CACNA1D: variants seen among roughly 807,000 people sequenced by gnomAD.
CACNA1D encodes voltage-dependent L-type calcium channel subunit alpha-1D.
CACNA1D carries 55 observed loss-of-function variants against 257.1 expected under a neutral mutation model. The ratio of observed to expected loss-of-function variants is 0.21; its 90% CI spans 0.17 to 0.27. CACNA1D has a LOEUF of 0.27. Ranked by LOEUF, CACNA1D falls within the 10% of genes least tolerant of loss-of-function variation. The pLI is 1.00. For synonymous variants in CACNA1D, 980 were observed against 1,014.9 expected, an observed-to-expected ratio of 0.97 and a Z score of 0.65; for missense variants, 1,876 against 2,784.0, an observed-to-expected ratio of 0.67 and a Z score of 7.34.
chr3:53,800,182 C>G lies in CACNA1D; in HGVS notation c.4924-67C>G. ...ACCGCTGAATCAGGAAGGAGCAAAGCCAGGACCCAGGCTGGCCCCAGGGCC... is the reference window on the plus strand; with the variant it reads ...ACCGCTGAATCAGGAAGGAGCAAAGGCAGGACCCAGGCTGGCCCCAGGGCC... On this transcript the variant is annotated intron_variant, in intron 40 of 47. Transcript: ENST00000350061. The surrounding 1 kb of genome is among the most constrained non-coding windows in gnomAD (Gnocchi z 4.3). 2 of 1,148,942 alleles carry G rather than the reference C, an allele frequency of 1.7e-6. No individual in the cohort carries two copies. Among genetic ancestry groups the G allele is most frequent in the Non-Finnish European group, 2.6e-6 (2 of 755,292 alleles). 71.2% of individuals were successfully genotyped at this position (1,148,942 alleles called of 1,614,324 possible).
chr3:53,611,464 A>AT (rs1295941895), intron 3 of CACNA1D, among the ~76,000 whole-genome samples: 3 of 151,906 alleles, frequency 2.0e-5, no homozygotes, highest in African/African-American at 4.8e-5. Flanking sequence ...TGATTTCAAG[A>AT]TTTTTTCTTG....
chr3:53,642,787 T>C (rs1210075217), intron 3 of CACNA1D, among the ~76,000 whole-genome samples: 1 of 152,344 alleles, frequency 6.6e-6, no homozygotes, highest in East Asian at 1.9e-4. Flanking sequence ...ACCTGGGTGA[T>C]TGTGGGGTCA....
chr3:53,497,018 CAT>C, intron 1 of CACNA1D, 132 bp from the exon 2 acceptor site: 1 of 741,110 alleles, frequency 1.3e-6, no homozygotes, highest in South Asian at 1.8e-5. Flanking sequence ...AAAAATAGCA[CAT>C]GAGATTCAAA....
Position 53,731,239 on chromosome 3 carries a change from G to A in CACNA1D, c.2406+93G>A. 15 of 848,994 alleles carry A rather than the reference G, an allele frequency of 1.8e-5. No homozygotes were observed. In the South Asian group the frequency reaches 2.1e-4, roughly 12 times the overall value. 52.6% of individuals were successfully genotyped at this position (848,994 alleles called of 1,614,324 possible). ...CATTTACACTGTGGAAGTGTCTTGT[G>A]TATCATTCTTGTAATATTTTGGTGT... is the stretch of plus-strand genomic sequence containing the variant. On this transcript the variant is annotated intron_variant, in intron 17 of 47. Transcript: ENST00000350061.
At chr3:53,786,444 C>A in intron 39 of CACNA1D, 1 of 267,944 alleles carries the variant, frequency 3.7e-6, no homozygotes, top group Non-Finnish European at 7.3e-6. Context: ...ATGCAAATCC[C>A]TATGCACAGG....
intron 3 of CACNA1D, among the ~76,000 whole-genome samples, chr3:53,540,315 A>T (rs575926408): frequency 6.6e-6 from 1 of 150,730 alleles, no homozygotes; most frequent in African/African-American, 2.4e-5. Flanking sequence ...TGGTAGAGAC[A>T]GGGTTTCACC....
At chr3:53,720,464 G>A (rs1018939473) in intron 11 of CACNA1D, among the ~76,000 whole-genome samples, 2 of 152,116 alleles carry the variant, frequency 1.3e-5, no homozygotes, top group African/African-American at 4.8e-5. Context: ...AAAAGAAAAA[G>A]GTTAGCTTCA....
intron 3 of CACNA1D, among the ~76,000 whole-genome samples, chr3:53,507,655 C>G (rs1286194322): frequency 6.6e-6 from 1 of 152,088 alleles, no homozygotes; most frequent in Non-Finnish European, 1.5e-5. Context: ...AGGTTTTTTA[C>G]TATTAAAATT....
At chr3:53,682,556 TAAAA>T (rs56756710) in intron 8 of CACNA1D, among the ~76,000 whole-genome samples, 2 of 144,108 alleles carry the variant, frequency 1.4e-5, no homozygotes, top group Non-Finnish European at 3.0e-5. Flanking sequence ...GACCCTGTCT[TAAAA>T]AAAAAAAAGA....
At chr3:53,562,450 T>A (rs2092756622) in intron 3 of CACNA1D, among the ~76,000 whole-genome samples, 2 of 152,258 alleles carry the variant, frequency 1.3e-5, no homozygotes, top group Admixed American at 1.3e-4. Flanking sequence ...ATTAATCCAT[T>A]TGGTAAAATG....
chr3:53,713,807 G>A (rs938720583), intron 9 of CACNA1D, among the ~76,000 whole-genome samples: 1 of 152,144 alleles, frequency 6.6e-6, no homozygotes, highest in Non-Finnish European at 1.5e-5. Flanking sequence ...TGCCCATGCT[G>A]CAAAGGCCTT....
intron 3 of CACNA1D, among the ~76,000 whole-genome samples, chr3:53,603,599 CTCT>C (rs1170285200): frequency 6.6e-6 from 1 of 152,160 alleles, no homozygotes; most frequent in Non-Finnish European, 1.5e-5. Context: ...CCACTCAGTA[CTCT>C]TAGCGACAGA....
intron 2 of CACNA1D, among the ~76,000 whole-genome samples, chr3:53,499,122 C>T (rs767722194): frequency 1.3e-5 from 2 of 151,940 alleles, no homozygotes; most frequent in Admixed American, 1.3e-4. Context: ...TGCTGTTTCT[C>T]TTTGTGCACG....
At chr3:53,740,526 C>T (rs1353947417) in intron 21 of CACNA1D, 187 bp downstream of exon 21, 1 of 611,578 alleles carries the variant, frequency 1.6e-6, no homozygotes, top group East Asian at 2.9e-5. Context: ...CTGCGTGTGA[C>T]ACACAGGAAA....
At chr3:53,778,097 C>T (rs1386439361) in intron 37 of CACNA1D, among the ~76,000 whole-genome samples, 1 of 152,168 alleles carries the variant, frequency 6.6e-6, no homozygotes, top group East Asian at 1.9e-4. Flanking sequence ...TTGAGCCAGA[C>T]TCATGTTCCC....
intron 8 of CACNA1D, among the ~76,000 whole-genome samples, chr3:53,684,122 G>C (rs2108484257): frequency 6.6e-6 from 1 of 152,236 alleles, no homozygotes; most frequent in Admixed American, 6.5e-5. Flanking sequence ...TAGGGCAATG[G>C]GTGACATCTT....
chr3:53,529,302 T>G (rs557010736), intron 3 of CACNA1D, among the ~76,000 whole-genome samples: 19 of 152,344 alleles, frequency 1.2e-4, no homozygotes, highest in Admixed American at 1.1e-3. Context: ...TTGTGGTAAA[T>G]TCCATTGAAT....
intron 8 of CACNA1D, among the ~76,000 whole-genome samples, chr3:53,694,833 A>G (rs941763420): frequency 2.6e-5 from 4 of 151,874 alleles, no homozygotes; most frequent in African/African-American, 9.7e-5. Context: ...TATTCCTGGG[A>G]CCCTGGGCGA....
At chr3:53,703,616 A>G (rs570104174) in intron 9 of CACNA1D, among the ~76,000 whole-genome samples, 1 of 152,342 alleles carries the variant, frequency 6.6e-6, no homozygotes, top group Non-Finnish European at 1.5e-5. Context: ...CTTCAAATCT[A>G]GAAGAGTTGG....
Sources: gnomAD v4.1 joint callset for allele counts (sites outside exome capture counted in the v4.1 genomes callset) on GRCh38, gnomAD v4.1.1 for gene constraint, Gnocchi (gnomAD v3.1) non-coding constraint, MANE v1.5 for transcripts, NCBI Gene and HGNC (gene_info 2026-07-23, HGNC 2026-07-21) for gene names.